NECTIN3: variants seen among roughly 807,000 people sequenced by gnomAD.
The protein encoded by NECTIN3 is nectin-3.
Under a neutral mutation model 49.4 loss-of-function variants are expected in NECTIN3, and 8 were observed. The observed-to-expected ratio is 0.16, with a 90% confidence interval of 0.10 to 0.29. The LOEUF (loss-of-function observed/expected upper bound fraction) is 0.29. Ranked by LOEUF, NECTIN3 falls within the 10% of genes least tolerant of loss-of-function variation. The pLI is 1.00. For missense variants in NECTIN3, 581 were observed against 654.6 expected, an observed-to-expected ratio of 0.89 and a Z score of 1.23; for synonymous variants, 277 against 241.1, an observed-to-expected ratio of 1.15 and a Z score of -1.38.
intron 7 of NECTIN3, among the ~76,000 whole-genome samples, chr3:111,185,135 C>CT (rs1372912880): frequency 6.6e-6 from 1 of 152,122 alleles, no homozygotes; most frequent in Non-Finnish European, 1.5e-5. Context: ...ATTTCTGGAG[C>CT]TTTTTTTATG....
chr3:111,179,694 A>G (rs1310468073), intron 7 of NECTIN3, among the ~76,000 whole-genome samples: 2 of 152,144 alleles, frequency 1.3e-5, no homozygotes, highest in African/African-American at 2.4e-5. Flanking sequence ...GGAGATCGAG[A>G]CCATCCTGGC....
At chr3:111,128,919 T>C (rs1432638975) in intron 5 of NECTIN3, among the ~76,000 whole-genome samples, 1 of 152,174 alleles carries the variant, frequency 6.6e-6, no homozygotes, top group South Asian at 2.1e-4. Context: ...ATGTCACTCC[T>C]CTCCTCAAAA....
chr3:111,141,706 C>G (rs2034748979), downstream of NECTIN3, among the ~76,000 whole-genome samples: 1 of 151,846 alleles, frequency 6.6e-6, no homozygotes, highest in Non-Finnish European at 1.5e-5. Flanking sequence ...ACTGTGATAA[C>G]AGCAAGCTGG....
At chr3:111,181,772 T>C (rs1283164634) in intron 7 of NECTIN3, among the ~76,000 whole-genome samples, 1 of 152,124 alleles carries the variant, frequency 6.6e-6, no homozygotes, top group Non-Finnish European at 1.5e-5. Flanking sequence ...TTTCTCTTTT[T>C]CTTGCTAGGG....
At chr3:111,191,829 T>A (rs2035818064), upstream of NECTIN3, among the ~76,000 whole-genome samples, 2 of 152,186 alleles carry the variant, frequency 1.3e-5, no homozygotes, top group African/African-American at 4.8e-5. Context: ...ATGTTGTCTA[T>A]ATTTTCTTTC....
At chr3:111,149,442 G>A (rs2034951870) in intron 7 of NECTIN3, among the ~76,000 whole-genome samples, 1 of 148,236 alleles carries the variant, frequency 6.7e-6, no homozygotes, top group Non-Finnish European at 1.5e-5. Flanking sequence ...AACCAGATAA[G>A]CCTCTATTCT....
intron 5 of NECTIN3, among the ~76,000 whole-genome samples, chr3:111,132,698 C>A (rs909849361): frequency 6.6e-6 from 1 of 151,798 alleles, no homozygotes; most frequent in Non-Finnish European, 1.5e-5. Flanking sequence ...ACACAGATTC[C>A]TTTGCATCTA....
intron 3 of NECTIN3, 132 bp downstream of exon 3, chr3:111,119,084 C>T (rs1457170394): frequency 1.2e-6 from 1 of 848,348 alleles, no homozygotes; most frequent in Admixed American, 3.3e-5. Flanking sequence ...ATGGAAATTT[C>T]ATTTAACCAG....
At chr3:111,172,970 C>T (rs2107527605) in intron 7 of NECTIN3, among the ~76,000 whole-genome samples, 1 of 152,272 alleles carries the variant, frequency 6.6e-6, no homozygotes, top group East Asian at 1.9e-4. Context: ...TCACTTATAT[C>T]CGGTATGATC....
chr3:111,172,101 A>G (rs921684255), intron 7 of NECTIN3, among the ~76,000 whole-genome samples: 4 of 152,174 alleles, frequency 2.6e-5, no homozygotes, highest in African/African-American at 9.7e-5. Flanking sequence ...GAGTTCTACA[A>G]GTAGATTTTT....
upstream of NECTIN3, among the ~76,000 whole-genome samples, chr3:111,189,341 A>G (rs1226256134): frequency 6.6e-6 from 1 of 152,206 alleles, no homozygotes; most frequent in Non-Finnish European, 1.5e-5. Flanking sequence ...GATGGCTTCT[A>G]CTGACTTGTC....
Position 111,147,487 on chromosome 3 carries a change from A to T in NECTIN3, c.1221+3A>T, listed in dbSNP as rs1210399221. 3 of 1,495,742 alleles carry T rather than the reference A, an allele frequency of 2.0e-6. No homozygotes were observed. In the Admixed American group the frequency reaches 5.9e-5, roughly 29 times the overall value. The allele number at this position is 1,495,742 out of a possible 1,614,324, so 92.7% of individuals were successfully genotyped here. On this transcript the variant is annotated splice_donor_region_variant and intron_variant, in intron 7 of 8. Coordinates refer to the NECTIN3 transcript ENST00000493615. The stretch of plus-strand genomic sequence containing the variant: ...TGCCTCAGAAAGACCTATTTCAGGT[A>T]TGTGTTCATGAGTACACTTAAGATA...
intron 2 of NECTIN3, among the ~76,000 whole-genome samples, chr3:111,118,373 A>G (rs945743708): frequency 4.7e-5 from 7 of 149,430 alleles, no homozygotes; most frequent in Admixed American, 2.0e-4. Flanking sequence ...TTTTTTTTAT[A>G]TATTAAGTTG....
At chr3:111,189,165 G>T (rs1270023620), upstream of NECTIN3, among the ~76,000 whole-genome samples, 2 of 152,128 alleles carry the variant, frequency 1.3e-5, no homozygotes, top group Non-Finnish European at 2.9e-5. Flanking sequence ...TGGAAGCCAA[G>T]GTTGCTTAGA....
At chr3:111,186,923 T>G (rs1305640548) in intron 7 of NECTIN3, among the ~76,000 whole-genome samples, 1 of 152,184 alleles carries the variant, frequency 6.6e-6, no homozygotes, top group Non-Finnish European at 1.5e-5. Flanking sequence ...AGTATTATAG[T>G]TTTATTCAGT....
At chr3:111,148,010 G>T (rs2034915767) in intron 7 of NECTIN3, among the ~76,000 whole-genome samples, 1 of 152,070 alleles carries the variant, frequency 6.6e-6, no homozygotes, top group African/African-American at 2.4e-5. Context: ...TTTGGTATTT[G>T]GGAAAGTTGT....
intron 4 of NECTIN3, among the ~76,000 whole-genome samples, chr3:111,125,022 CTTTTTTTTTTTTT>C (rs869201432): frequency 6.7e-5 from 6 of 90,198 alleles, no homozygotes; most frequent in East Asian, 3.4e-4. Context: ...TCTTTTCTTT[CTTTTTTTTTTTTT>C]TTTTTTTTTT....
chr3:111,072,141 C>G lies in NECTIN3; in HGVS notation c.124C>G (p.Leu42Val). ...CCCGACGCCACCTCCGCTGCTGCTG[C>G]TGCTCTTCCCGCTGCTGCTCTTCTC... Reference protein sequence around the residue: ...QPPTPPPLLLLLFPLLLFSRL... With the variant: ...QPPTPPPLLLVLFPLLLFSRL... Residue 42 changes from leucine to valine, a missense_variant, in exon 1 of 6, where the codon CTG becomes GTG. This residue lies in a region of NECTIN3 where 109 missense variants were observed against 69.1 expected (regional missense o/e 1.58). Transcript: ENST00000485303. The G allele has an allele frequency of 6.4e-7, 1 of 1,551,146 alleles. No individual in the cohort carries two copies. Among genetic ancestry groups the G allele is most frequent in the Non-Finnish European group, 8.7e-7 (1 of 1,147,282 alleles).
At position 111,112,073 on chromosome 3, in the gene NECTIN3, A is replaced by G. The variant is rs2033492906; in HGVS notation, c.204A>G (p.Ala68=). 6.2e-7 allele frequency: 1 copy of G among 1,613,466 alleles called. No individual in the cohort carries two copies. Among genetic ancestry groups the G allele is most frequent in the African/African-American group, 1.3e-5 (1 of 74,886 alleles). The change falls in exon 2 of 6, where the codon GCA becomes GCG. Residue 68 remains alanine (A), a synonymous_variant. Transcript: ENST00000485303. The stretch of plus-strand genomic sequence containing the variant: ...TTATTGTGGAGCCACATGTCACAGC[A>G]GTATGGGGAAAGAATGTTTCATTAA... ...GPIIVEPHVT[A]VWGKNVSLKC...
Sources: allele counts gnomAD v4.1 joint callset (sites outside exome capture counted in the v4.1 genomes callset), GRCh38; gene constraint gnomAD v4.1.1; regional missense constraint gnomAD v4.1.1; transcripts MANE v1.5; gene names NCBI Gene and HGNC (gene_info 2026-07-23, HGNC 2026-07-21).